The following SLC16A12 variants were observed in gnomAD, a reference collection of about 807,000 sequenced individuals.
The protein encoded by SLC16A12 is monocarboxylate transporter 12.
A neutral mutation model predicts 42.4 loss-of-function variants in SLC16A12; 17 were observed. The ratio of observed to expected loss-of-function variants is 0.40; its 90% confidence interval spans 0.27 to 0.60. The LOEUF (loss-of-function observed/expected upper bound fraction) is 0.60. SLC16A12 is among the 20% of genes least tolerant of loss of function. SLC16A12 has a pLI of 0.42. For synonymous variants in SLC16A12, 224 were observed against 229.4 expected, an observed-to-expected ratio of 0.98 and a Z score of 0.21; for missense variants, 544 against 623.0, an observed-to-expected ratio of 0.87 and a Z score of 1.35.
chr10:89,517,592 T>C (rs888440136), intron 2 of SLC16A12, among the ~76,000 whole-genome samples: 1 of 152,162 alleles, frequency 6.6e-6, no homozygotes, highest in Non-Finnish European at 1.5e-5. Context: ...GTTTCAAGCA[T>C]GAGCCATTGC....
intron 2 of SLC16A12, among the ~76,000 whole-genome samples, chr10:89,512,777 C>G (rs1333772978): frequency 6.6e-6 from 1 of 152,250 alleles, no homozygotes. Context: ...TTCTGTGAGC[C>G]ATTCTAGCAA....
intron 6 of SLC16A12, among the ~76,000 whole-genome samples, chr10:89,438,318 C>G (rs1841838533): frequency 6.6e-6 from 1 of 152,218 alleles, no homozygotes; most frequent in South Asian, 2.1e-4. Context: ...CGTAGCCACT[C>G]TCTTTTGTTT....
At chr10:89,458,412 G>T (rs1564575328) in intron 3 of SLC16A12, among the ~76,000 whole-genome samples, 1 of 152,146 alleles carries the variant, frequency 6.6e-6, no homozygotes, top group Non-Finnish European at 1.5e-5. Context: ...ACAGGATTAG[G>T]CACTTTGGAG....
At chr10:89,517,267 T>C (rs894579564) in intron 2 of SLC16A12, among the ~76,000 whole-genome samples, 1 of 151,592 alleles carries the variant, frequency 6.6e-6, no homozygotes, top group Non-Finnish European at 1.5e-5. Context: ...TTGAGTTCCA[T>C]GGGGGGCAGG....
chr10:89,553,594 TGAGTC>T lies in SLC16A12; in HGVS notation c.-47+2283_-47+2287del, dbSNP rs377504929. 7.2e-5 allele frequency among the ~76,000 whole-genome samples: 11 copies of T among 152,380 alleles called. No individual in the cohort carries two copies. In the East Asian group the frequency reaches 2.1e-3, roughly 29 times the overall value. ...ATATTGGACAAGTTGTTAGCTGCTCTGAGTCATTACCTTATCTGTAAAATTAGGCG... is the reference window on the plus strand; with the variant it reads ...ATATTGGACAAGTTGTTAGCTGCTCTATTACCTTATCTGTAAAATTAGGCG... On this transcript the variant is annotated intron_variant, in intron 2 of 2. Coordinates refer to the SLC16A12 transcript ENST00000475682.
In SLC16A12 at chr10:89,534,642, T is replaced by A. The variant is rs541715787; in HGVS notation, c.-186-2A>T. On this transcript the variant is annotated splice_acceptor_variant, in intron 1 of 7. Coordinates refer to ENST00000371790, the MANE Select transcript of SLC16A12 (RefSeq NM_213606.4). LOFTEE classifies it low-confidence loss of function (5UTR_SPLICE). ...GGCCAATATGTCGAAATCCTGTATC[T>A]GCAAAAAAAAAAAAAAAAAAAAAAA... 202 of 30,470 alleles carry A rather than the reference T, an allele frequency of 6.6e-3. 3 individuals are homozygous for A. The highest frequency in any genetic ancestry group is 0.049 in the African/African-American group (188 of 3,806). 1.9% of individuals were successfully genotyped at this position (30,470 alleles called of 1,614,324 possible).
intron 2 of SLC16A12, among the ~76,000 whole-genome samples, chr10:89,514,321 A>C (rs1843211590): frequency 6.6e-6 from 1 of 152,250 alleles, no homozygotes. Flanking sequence ...CACTGAAGTC[A>C]AATAAGAAAG....
At chr10:89,492,762 G>T (rs1842865553) in intron 2 of SLC16A12, among the ~76,000 whole-genome samples, 1 of 151,830 alleles carries the variant, frequency 6.6e-6, no homozygotes, top group Admixed American at 6.6e-5. Context: ...CTCTTTCTAA[G>T]ACTCAGACCA....
intron 2 of SLC16A12, among the ~76,000 whole-genome samples, chr10:89,546,942 C>T (rs993313821): frequency 6.6e-6 from 1 of 152,124 alleles, no homozygotes; most frequent in South Asian, 2.1e-4. Context: ...AACAGCAAAC[C>T]AAACACCGCA....
At chr10:89,455,117 T>G (rs1353344888) in intron 3 of SLC16A12, among the ~76,000 whole-genome samples, 2 of 151,710 alleles carry the variant, frequency 1.3e-5, no homozygotes, top group African/African-American at 4.8e-5. Flanking sequence ...TGTGGTTAGG[T>G]GAGGTAAAGT....
intron 2 of SLC16A12, among the ~76,000 whole-genome samples, chr10:89,540,821 G>A (rs1021304630): frequency 6.6e-6 from 1 of 151,986 alleles, no homozygotes; most frequent in South Asian, 2.1e-4. Context: ...TGGAGTCATG[G>A]TATAACTGAA....
At chr10:89,526,596 T>C (rs1435781465) in intron 2 of SLC16A12, among the ~76,000 whole-genome samples, 1 of 152,234 alleles carries the variant, frequency 6.6e-6, no homozygotes, top group African/African-American at 2.4e-5. Context: ...CTTAGAAACA[T>C]GTGGCCCAAT....
chr10:89,529,549 C>CTTT (rs140068667), intron 2 of SLC16A12, among the ~76,000 whole-genome samples: 1 of 129,952 alleles, frequency 7.7e-6, no homozygotes, highest in African/African-American at 2.9e-5. Flanking sequence ...CCTTTACAGT[C>CTTT]TTTTTTTTTT....
intron 2 of SLC16A12, among the ~76,000 whole-genome samples, chr10:89,469,696 T>G (rs921708259): frequency 6.6e-6 from 1 of 152,192 alleles, no homozygotes; most frequent in Non-Finnish European, 1.5e-5. Flanking sequence ...ATACCAAGGG[T>G]GGGCATTTGG....
chr10:89,445,874 A>G (rs1841992489), intron 3 of SLC16A12, among the ~76,000 whole-genome samples: 3 of 152,294 alleles, frequency 2.0e-5, no homozygotes, highest in African/African-American at 7.2e-5. Flanking sequence ...GATTAGAGGA[A>G]TGGCTAATTA....
rs1001085500 is a variant in SLC16A12, at chr10:89,504,601, G to C, written c.-47+29900C>G. Among the ~76,000 whole-genome samples, 6 of 152,080 alleles carry C rather than the reference G, an allele frequency of 3.9e-5. No homozygotes were observed. In the South Asian group the frequency reaches 6.2e-4, roughly 16 times the overall value. ...TAAATACTCACTATAAGGCCTAAAAGTATTCAGAAAATTACAGAATATACA... is the reference window on the plus strand; with the variant it reads ...TAAATACTCACTATAAGGCCTAAAACTATTCAGAAAATTACAGAATATACA... On this transcript the variant is annotated intron_variant, in intron 2 of 7. Coordinates refer to ENST00000371790, the MANE Select transcript of SLC16A12 (RefSeq NM_213606.4).
At chr10:89,487,964 G>GTGTATATATATATATATATA (rs1248310697) in intron 2 of SLC16A12, among the ~76,000 whole-genome samples, 1 of 126,718 alleles carries the variant, frequency 7.9e-6, no homozygotes, top group Non-Finnish European at 1.6e-5. Flanking sequence ...TGGTGTGTGT[G>GTGTATATATATATATATATA]TATATATATA....
At chr10:89,491,824 C>G (rs1313241692) in intron 2 of SLC16A12, among the ~76,000 whole-genome samples, 1 of 152,088 alleles carries the variant, frequency 6.6e-6, no homozygotes, top group Non-Finnish European at 1.5e-5. Context: ...AAAGGCTGTT[C>G]CCACTGAACA....
chr10:89,492,582 T>C (rs565026935), intron 2 of SLC16A12, among the ~76,000 whole-genome samples: 57 of 152,252 alleles, frequency 3.7e-4, no homozygotes, highest in African/African-American at 1.3e-3. Flanking sequence ...CTACTTAAAA[T>C]ACAAGAGTAT....
Sources: gnomAD v4.1 joint callset for allele counts (sites outside exome capture counted in the v4.1 genomes callset) on GRCh38, gnomAD v4.1.1 for gene constraint, MANE v1.5 for transcripts, NCBI Gene and HGNC (gene_info 2026-07-23, HGNC 2026-07-21) for gene names.